Variants in OLFM2 observed in about 807,000 individuals in gnomAD.
OLFM2 encodes olfactomedin 2, also known as noelin-2.
Under a neutral mutation model 43.9 loss-of-function variants are expected in OLFM2, and 20 were observed. The ratio of observed to expected loss-of-function variants is 0.46; its 90% confidence interval spans 0.32 to 0.66. The LOEUF (loss-of-function observed/expected upper bound fraction) is 0.66. Among genes scored for constraint, OLFM2 ranks in the 30% least tolerant of loss-of-function variants. The pLI is 0.04. For synonymous variants in OLFM2, 268 were observed against 278.6 expected (o/e 0.96, Z 0.38); for missense variants, 416 against 643.6 (o/e 0.65, Z 3.83).
intron 1 of OLFM2, among the ~76,000 whole-genome samples, chr19:9,881,337 C>A (rs998818666): frequency 3.3e-5 from 5 of 152,184 alleles, no homozygotes; most frequent in African/African-American, 1.2e-4. Flanking sequence ...CTGCCCTATA[C>A]AGTGATGCCC....
At chr19:9,923,615 AAGAG>A (rs902449385) in intron 1 of OLFM2, among the ~76,000 whole-genome samples, 9 of 149,740 alleles carry the variant, frequency 6.0e-5, no homozygotes, top group East Asian at 3.9e-4. Context: ...GAAAGAAGGA[AAGAG>A]AGAGAGAGAG....
At chr19:9,899,450 G>A (rs1050911071) in intron 1 of OLFM2, among the ~76,000 whole-genome samples, 6 of 151,986 alleles carry the variant, frequency 3.9e-5, no homozygotes, top group South Asian at 2.1e-4. Flanking sequence ...CATGATGCCC[G>A]TCTCCCTGGC....
chr19:9,911,896 A>G (rs1202239767), intron 1 of OLFM2, among the ~76,000 whole-genome samples: 2 of 152,190 alleles, frequency 1.3e-5, no homozygotes, highest in African/African-American at 4.8e-5. Context: ...ATACTTGTGT[A>G]TAACAAACTC....
chr19:9,868,306 C>G (rs1019732971), intron 1 of OLFM2, among the ~76,000 whole-genome samples: 1 of 152,216 alleles, frequency 6.6e-6, no homozygotes, highest in East Asian at 1.9e-4. Flanking sequence ...AGGTGATCTG[C>G]CCGCCTTACC....
intron 1 of OLFM2, among the ~76,000 whole-genome samples, chr19:9,921,631 G>A (rs2086420740): frequency 6.6e-6 from 1 of 152,032 alleles, no homozygotes; most frequent in East Asian, 1.9e-4. Context: ...TGGGACTACA[G>A]GCGCCCGCCA....
At position 9,860,295 on chromosome 19, in the gene OLFM2, T is replaced by C. The variant is rs996163602; in HGVS notation, c.213+350A>G. On this transcript the variant is annotated intron_variant, in intron 2 of 5. Coordinates refer to ENST00000264833, the MANE Select transcript of OLFM2 (RefSeq NM_058164.4). ...GAGATTGAGACCAGCCTGGGCAACA[T>C]AGGGAGACCCCGTCTCCACAAAAAA... Among the ~76,000 whole-genome samples, 25 of 151,696 alleles carry C rather than the reference T, an allele frequency of 1.6e-4. 1 individual carries two copies. Among genetic ancestry groups the C allele is most frequent in the African/African-American group, 6.1e-4 (25 of 41,232 alleles).
chr19:9,934,289 G>A (rs1042936682), intron 1 of OLFM2, among the ~76,000 whole-genome samples: 4 of 152,146 alleles, frequency 2.6e-5, no homozygotes, highest in Non-Finnish European at 5.9e-5. Flanking sequence ...ACTGCAGCCC[G>A]CGGCAGGATT....
At chr19:9,913,036 G>A (rs1205120695) in intron 1 of OLFM2, among the ~76,000 whole-genome samples, 1 of 151,544 alleles carries the variant, frequency 6.6e-6, no homozygotes, top group Non-Finnish European at 1.5e-5. Context: ...TGAAGGTGGA[G>A]ACACTCGGAA....
chr19:9,901,641 G>C (rs149997488), intron 1 of OLFM2, among the ~76,000 whole-genome samples: 2 of 152,094 alleles, frequency 1.3e-5, no homozygotes, highest in Non-Finnish European at 2.9e-5. Flanking sequence ...TTGAGATCTC[G>C]CTTTGCCAGG....
chr19:9,933,979 G>T (rs2086500059), intron 1 of OLFM2, among the ~76,000 whole-genome samples: 1 of 152,184 alleles, frequency 6.6e-6, no homozygotes, highest in Non-Finnish European at 1.5e-5. Context: ...CCTCTGCTAG[G>T]TCAACTCCAG....
intron 1 of OLFM2, among the ~76,000 whole-genome samples, chr19:9,912,442 GGGAGCCCCA>G (rs2046834764): frequency 6.6e-6 from 1 of 152,192 alleles, no homozygotes; most frequent in Non-Finnish European, 1.5e-5. Flanking sequence ...GCTAAAGAAA[GGGAGCCCCA>G]GGCATCGCAG....
At chr19:9,913,778 G>T (rs1434526470) in intron 1 of OLFM2, 2 of 662,342 alleles carry the variant, frequency 3.0e-6, no homozygotes, top group Non-Finnish European at 3.8e-6. Flanking sequence ...GGTGAGGGGG[G>T]GCTCGGGGAC....
chr19:9,902,798 T>C (rs1447455067), intron 1 of OLFM2, among the ~76,000 whole-genome samples: 1 of 152,002 alleles, frequency 6.6e-6, no homozygotes, highest in Admixed American at 6.6e-5. Context: ...CTCGACTTCC[T>C]GAGTAGCTGG....
chr19:9,899,866 C>T (rs749703206), intron 1 of OLFM2, among the ~76,000 whole-genome samples: 19 of 151,890 alleles, frequency 1.3e-4, no homozygotes, highest in Admixed American at 3.3e-4. Flanking sequence ...CCACCCCCGC[C>T]GGATACTGTT....
At chr19:9,861,385 A>AT (rs756041594) in intron 1 of OLFM2, among the ~76,000 whole-genome samples, 1 of 151,800 alleles carries the variant, frequency 6.6e-6, no homozygotes, top group Non-Finnish European at 1.5e-5. Context: ...CAAAAAAAAA[A>AT]GGATCTCACC....
At position 9,857,890 on chromosome 19, in the gene OLFM2, G is replaced by A; in HGVS notation, c.214-29C>T. ...GGAATGGGGACAACTGAAGGGACCA[G>A]ACCTCCTTCCCCAAATCCCAACCCA... On this transcript the variant is annotated intron_variant, in intron 2 of 5. Coordinates refer to ENST00000264833, the MANE Select transcript of OLFM2 (RefSeq NM_058164.4). This position sits in a 1 kb window ranked among gnomAD's most constrained non-coding sequence, Gnocchi z 5.7. 1 of 1,613,514 alleles carries A rather than the reference G, an allele frequency of 6.2e-7. No homozygotes were observed. The highest frequency in any genetic ancestry group is 8.5e-7 in the Non-Finnish European group (1 of 1,179,992).
intron 1 of OLFM2, among the ~76,000 whole-genome samples, chr19:9,878,340 C>CTGGACAAGTGACTCTCTCTGA (rs2046508820): frequency 1.3e-5 from 2 of 151,226 alleles, no homozygotes; most frequent in Non-Finnish European, 2.9e-5. Context: ...CTGTGTTACC[C>CTGGACAAGTGACTCTCTCTGA]TGGACAAGTG....
intron 1 of OLFM2, among the ~76,000 whole-genome samples, chr19:9,868,798 T>C (rs917419890): frequency 3.0e-4 from 46 of 151,752 alleles, no homozygotes; most frequent in African/African-American, 1.0e-3. Context: ...AAAATTAGCA[T>C]GGTGGCACAT....
chr19:9,853,944 A>G lies in OLFM2; in HGVS notation c.*242T>C, dbSNP rs867117092. 9.7e-5 allele frequency: 56 copies of G among 580,022 alleles called. No individual in the cohort carries two copies. In the African/African-American group the frequency reaches 1.0e-3, roughly 11 times the overall value. The allele number at this position is 580,022 out of a possible 1,614,324, so 35.9% of individuals were successfully genotyped here. A position where few individuals can be genotyped will look rare whatever the true frequency, so the allele number is the denominator to read the frequency against. On this transcript the variant is annotated 3_prime_UTR_variant, in exon 6 of 6. Coordinates refer to ENST00000264833, the MANE Select transcript of OLFM2 (RefSeq NM_058164.4). ...GAACCAGAGCCATAAAAAGAAAAAG[A>G]CATCCATAAAAAGGCAGAAAGAAAG...
Sources: allele counts gnomAD v4.1 joint callset (sites outside exome capture counted in the v4.1 genomes callset), GRCh38; gene constraint gnomAD v4.1.1; non-coding constraint Gnocchi (gnomAD v3.1); transcripts MANE v1.5; gene names NCBI Gene and HGNC (gene_info 2026-07-23, HGNC 2026-07-21).